GRIK4: variants seen among roughly 807,000 people sequenced by gnomAD.
GRIK4 encodes the protein glutamate ionotropic receptor kainate type subunit 4, also known as glutamate receptor ionotropic, kainate 4.
A neutral mutation model predicts 104.9 loss-of-function variants in GRIK4; 40 were observed. The ratio of observed to expected loss-of-function variants is 0.38; its 90% CI spans 0.30 to 0.50. GRIK4 has a LOEUF of 0.50. GRIK4 is among the 20% of genes least tolerant of loss of function. The probability of loss-of-function intolerance (pLI) is 0.93; values close to 1 mark genes in which losing one functional copy is unlikely to be tolerated. For missense variants in GRIK4, 1,047 were observed against 1,308.1 expected (o/e 0.80, Z 3.08); for synonymous variants, 485 against 524.9 (o/e 0.92, Z 1.04).
rs1346278382 is a variant in GRIK4, at chr11:120,819,822, A to G, written c.413A>G (p.Asn138Ser). The change falls in exon 6 of 21, where the codon AAC (asparagine) becomes AGC (serine). Residue 138 changes from asparagine (N) to serine (S), a missense_variant. By Grantham distance (46) the Asn-to-Ser change is conservative. Transcript: ENST00000527524. The surrounding 1 kb of genome is among the most constrained non-coding windows in gnomAD (Gnocchi z 4.3). ...CAGTTCCAGAGATTCACAACCCTGA[A>G]CCTCCACCCCAGCAACACTGACATC... ...KFQFQRFTTLNLHPSNTDISV... is the reference protein window; with the variant it reads ...KFQFQRFTTLSLHPSNTDISV... The G allele has an allele frequency of 6.2e-7, 1 of 1,613,908 alleles. No homozygotes were observed. The highest frequency in any genetic ancestry group is 2.2e-5 in the East Asian group (1 of 44,870).
chr11:120,755,806 T>G (rs1475861470), intron 3 of GRIK4, among the ~76,000 whole-genome samples: 1 of 151,828 alleles, frequency 6.6e-6, no homozygotes, highest in Non-Finnish European at 1.5e-5. Flanking sequence ...CCAGGGAGAG[T>G]TGGGGTGGAT....
chr11:120,736,036 C>T (rs550537014), intron 3 of GRIK4, among the ~76,000 whole-genome samples: 32 of 152,198 alleles, frequency 2.1e-4, no homozygotes, highest in Non-Finnish European at 4.1e-4. Context: ...CTCCTGTGGC[C>T]GAGCTAGTAA....
intron 14 of GRIK4, among the ~76,000 whole-genome samples, chr11:120,947,469 A>G (rs1259206813): frequency 2.0e-5 from 3 of 152,092 alleles, no homozygotes; most frequent in Admixed American, 2.0e-4. Flanking sequence ...ATTGCTGGAT[A>G]TATTACCCGC....
intron 8 of GRIK4, among the ~76,000 whole-genome samples, chr11:120,860,304 C>T (rs117856060): frequency 0.01 from 1,544 of 152,284 alleles, 15 homozygotes; most frequent in Middle Eastern, 0.017. Context: ...GAATAATCTA[C>T]ACCCTCTTGA....
chr11:120,942,283 T>C (rs1053407691), intron 14 of GRIK4, among the ~76,000 whole-genome samples: 1 of 152,142 alleles, frequency 6.6e-6, no homozygotes, highest in African/African-American at 2.4e-5. Context: ...CAGGAGGGTG[T>C]CTTGCCATCG....
chr11:120,962,723 G>A, intron 18 of GRIK4, 42 bp downstream of exon 18: 1 of 1,399,082 alleles, frequency 7.1e-7, no homozygotes, highest in Non-Finnish European at 1.0e-6. Context: ...GCTTTGTCCA[G>A]ACAGGGTCAG....
At chr11:120,974,453 G>A (rs1944528180) in intron 19 of GRIK4, among the ~76,000 whole-genome samples, 3 of 152,234 alleles carry the variant, frequency 2.0e-5, no homozygotes, top group Admixed American at 6.5e-5. Flanking sequence ...CTGAAACTGA[G>A]AGTGGCTGCA....
intron 1 of GRIK4, chr11:120,576,397 G>A (rs889773479): frequency 6.6e-6 from 1 of 152,206 alleles, no homozygotes; most frequent in Non-Finnish European, 1.5e-5. Flanking sequence ...GGTGACGCTA[G>A]ACTTCAGGAA....
At chr11:120,936,969 C>T (rs1591305476) in intron 13 of GRIK4, among the ~76,000 whole-genome samples, 1 of 152,114 alleles carries the variant, frequency 6.6e-6, no homozygotes, top group Admixed American at 6.5e-5. Flanking sequence ...TCCCAGCCCC[C>T]TATCTTACTA....
chr11:120,512,671 A>G (rs904793119), intron 1 of GRIK4, among the ~76,000 whole-genome samples: 1 of 150,556 alleles, frequency 6.6e-6, no homozygotes, highest in Non-Finnish European at 1.5e-5. Flanking sequence ...AGGGGAGCTG[A>G]TTTAGATTCT....
At chr11:120,521,000 T>C (rs1194453306) in intron 1 of GRIK4, among the ~76,000 whole-genome samples, 1 of 152,194 alleles carries the variant, frequency 6.6e-6, no homozygotes, top group African/African-American at 2.4e-5. Context: ...CAGAAGACCC[T>C]GTAGAGTTAT....
At chr11:120,756,678 A>G (rs1270466146) in intron 3 of GRIK4, among the ~76,000 whole-genome samples, 1 of 152,014 alleles carries the variant, frequency 6.6e-6, no homozygotes, top group African/African-American at 2.4e-5. Context: ...GATCTTCCAT[A>G]TTTTCCATTG....
intron 7 of GRIK4, 24 bp downstream of exon 7, chr11:120,832,054 A>T: frequency 7.3e-7 from 1 of 1,363,336 alleles, no homozygotes; most frequent in Non-Finnish European, 9.9e-7. Context: ...TCTCTCCCCC[A>T]CCCCCTGCTG....
chr11:120,715,964 A>G (rs1469027780), intron 3 of GRIK4, among the ~76,000 whole-genome samples: 1 of 152,174 alleles, frequency 6.6e-6, no homozygotes, highest in East Asian at 1.9e-4. Context: ...GCAAAGGCTC[A>G]TCCTGAGCAG....
At chr11:120,719,868 T>C (rs949541182) in intron 3 of GRIK4, among the ~76,000 whole-genome samples, 1 of 152,154 alleles carries the variant, frequency 6.6e-6, no homozygotes, top group Admixed American at 6.5e-5. Flanking sequence ...CATTTTTCTC[T>C]CCACATTAGC....
Position 120,862,110 on chromosome 11 carries a change from C to G in GRIK4, c.896C>G (p.Thr299Ser), listed in dbSNP as rs138421436. 4.4e-5 allele frequency: 71 copies of G among 1,613,708 alleles called. No homozygotes were observed. The Middle Eastern group carries it at 5.1e-4, about 12-fold the overall frequency. The change falls in exon 9 of 21, where the codon ACT becomes AGT. Residue 299 changes from threonine (T) to serine (S), a missense_variant. Around this residue, in one of 3 missense-constraint regions of GRIK4, gnomAD observed 447 missense variants for 514.9 expected, o/e 0.87. Transcript: ENST00000527524. ...GAGAACTGTGACCATGTGCCCTTCA[C>G]TGGGCCTGCGGTAAGTACCCGCCAG... Reference protein sequence around the residue: ...WQENCDHVPFTGPALSSALLF... With the variant: ...WQENCDHVPFSGPALSSALLF...
At chr11:120,537,983 A>G (rs990044408) in intron 1 of GRIK4, among the ~76,000 whole-genome samples, 3 of 152,250 alleles carry the variant, frequency 2.0e-5, no homozygotes, top group Non-Finnish European at 4.4e-5. Context: ...TCCGTGATGT[A>G]TGGCCATGGC....
chr11:120,943,154 C>CACACACACAA (rs1565453713), intron 14 of GRIK4, among the ~76,000 whole-genome samples: 5 of 107,766 alleles, frequency 4.6e-5, no homozygotes, highest in Non-Finnish European at 9.3e-5. Flanking sequence ...ACACACACCC[C>CACACACACAA]CCTGACTGTT....
chr11:120,697,840 C>A, intron 3 of GRIK4, among the ~76,000 whole-genome samples: 1 of 152,140 alleles, frequency 6.6e-6, no homozygotes, highest in East Asian at 1.9e-4. Context: ...GGAAGGCTGG[C>A]AGTGGTGAAG....
Sources: gnomAD v4.1 joint callset for allele counts (sites outside exome capture counted in the v4.1 genomes callset) on GRCh38, gnomAD v4.1.1 for gene constraint, gnomAD v4.1.1 regional missense constraint, Gnocchi (gnomAD v3.1) non-coding constraint, MANE v1.5 for transcripts, NCBI Gene and HGNC (gene_info 2026-07-23, HGNC 2026-07-21) for gene names.